The following ABITRAM variants were observed in gnomAD, a reference collection of about 807,000 sequenced individuals.
ABITRAM encodes actin binding transcription modulator.
ABITRAM carries 19 observed loss-of-function variants against 22.9 expected under a neutral mutation model. The ratio of observed to expected loss-of-function variants is 0.83; its 90% CI spans 0.58 to 1.22. The LOEUF is 1.22. Ranked by LOEUF, ABITRAM falls within the 50% of genes most tolerant of loss-of-function variation. The pLI, the probability that ABITRAM is intolerant of heterozygous loss-of-function variation, is 0.00. For missense variants in ABITRAM, 215 were observed against 220.2 expected (o/e 0.98, Z 0.15); for synonymous variants, 70 against 73.9 (o/e 0.95, Z 0.27).
chr9:108,939,397 A>G lies in ABITRAM; in HGVS notation c.351A>G (p.Gly117=), dbSNP rs1830229024. The G allele has an allele frequency of 6.2e-7, 1 of 1,609,228 alleles. No individual in the cohort carries two copies. The highest frequency in any genetic ancestry group is 1.7e-5 in the Admixed American group (1 of 58,868). ...ATTTTTTTAATAGTTGTGTTAGAGG[A>G]CGTTTGATGGAAGTGAATGAAAACA... is the stretch of plus-strand genomic sequence containing the variant. ...EEYTVSSCVR[G]RLMEVNENIL... The change falls in exon 5 of 6, where the codon GGA becomes GGG. Residue 117 remains glycine, a synonymous_variant. Coordinates refer to ENST00000322940, the MANE Select transcript of ABITRAM (RefSeq NM_017832.4).
chr9:108,939,517 T>C, intron 5 of ABITRAM, 32 bp from the exon 6 acceptor site: 6 of 1,608,070 alleles, frequency 3.7e-6, no homozygotes, highest in South Asian at 1.1e-5. Context: ...TTTTTCATCG[T>C]TTGACAGTAC....
At chr9:108,949,991 T>C (rs1352233655) in intron 3 of ABITRAM, among the ~76,000 whole-genome samples, 1 of 136,508 alleles carries the variant, frequency 7.3e-6, no homozygotes, top group East Asian at 2.2e-4. Context: ...GCCACTGCAC[T>C]CCAGCCTGGG....
At chr9:108,946,305 A>AG (rs1190370941) in intron 3 of ABITRAM, among the ~76,000 whole-genome samples, 2 of 151,840 alleles carry the variant, frequency 1.3e-5, no homozygotes, top group Non-Finnish European at 2.9e-5. Context: ...CTCAAAAAAA[A>AG]AAAAAAAAAA....
At chr9:108,943,130 T>C (rs1342228554), downstream of ABITRAM, 1 of 1,210,510 alleles carries the variant, frequency 8.3e-7, no homozygotes, top group Non-Finnish European at 1.2e-6. Context: ...CATGATAAAA[T>C]TTCTCCATAT....
intron 2 of ABITRAM, 179 bp downstream of exon 2, chr9:108,935,868 G>A: frequency 1.7e-6 from 1 of 582,776 alleles, no homozygotes. Context: ...GAGTATTCCA[G>A]TGCCTGGCCA....
downstream of ABITRAM, among the ~76,000 whole-genome samples, chr9:108,945,637 TTTTTTG>T (rs1830379615): frequency 6.7e-6 from 1 of 148,358 alleles, no homozygotes; most frequent in African/African-American, 2.5e-5. Context: ...AGTTTTTTTT[TTTTTTG>T]TTTTGTTTTT....
At chr9:108,939,127 T>A in intron 3 of ABITRAM, 69 bp from the exon 4 acceptor site, 3 of 1,321,220 alleles carry the variant, frequency 2.3e-6, no homozygotes, top group Non-Finnish European at 3.2e-6. Context: ...GTTATACACC[T>A]AAGGGCTACT....
chr9:108,943,560 A>G, downstream of ABITRAM: 2 of 665,592 alleles, frequency 3.0e-6, no homozygotes, highest in Non-Finnish European at 4.9e-6. Context: ...TTATGAGAGT[A>G]GATAATAAAT....
In ABITRAM at chr9:108,934,615, T is replaced by C. The variant is rs757254442; in HGVS notation, c.79+50T>C. 32 of 1,516,480 alleles carry C rather than the reference T, an allele frequency of 2.1e-5. No homozygotes were observed. The Middle Eastern group carries it at 5.6e-4, about 26-fold the overall frequency. The allele number at this position is 1,516,480 out of a possible 1,614,324, so 93.9% of individuals were successfully genotyped here. On this transcript the variant is annotated intron_variant, in intron 1 of 5. Transcript: ENST00000322940. The stretch of plus-strand genomic sequence containing the variant: ...CTCCTTGGCCGCACTGGCCTAATGC[T>C]GTGTAGACTATGTTGACAGATCATA...
chr9:108,934,444 G>T lies in ABITRAM; in HGVS notation c.-43G>T, dbSNP rs374860095. ...CCAGTCCGGGCTGCGCGGAGGAAGC[G>T]CTGGGGTCCCGGAGGGCGGGGGTGG... On this transcript the variant is annotated 5_prime_UTR_variant, in exon 1 of 6. Transcript: ENST00000322940. 1 of 1,548,550 alleles carries T rather than the reference G, an allele frequency of 6.5e-7. No homozygotes were observed. The highest frequency in any genetic ancestry group is 8.7e-7 in the Non-Finnish European group (1 of 1,145,076).
At chr9:108,945,478 T>TC (rs1830373992), downstream of ABITRAM, among the ~76,000 whole-genome samples, 1 of 151,368 alleles carries the variant, frequency 6.6e-6, no homozygotes, top group African/African-American at 2.4e-5. Flanking sequence ...TTTTTTTTTT[T>TC]TGAGACAGGG....
downstream of ABITRAM, chr9:108,943,977 T>G (rs766320045): frequency 6.2e-6 from 10 of 1,613,802 alleles, no homozygotes; most frequent in Non-Finnish European, 7.6e-6. Flanking sequence ...TTGAAAAAGC[T>G]TGAACACTGG....
chr9:108,938,692 G>A (rs72758377), intron 3 of ABITRAM, among the ~76,000 whole-genome samples: 11,439 of 126,254 alleles, frequency 0.091, 670 homozygotes, highest in Non-Finnish European at 0.12. Context: ...AATTACAAAG[G>A]GGGGGGGGGG....
intron 3 of ABITRAM, among the ~76,000 whole-genome samples, chr9:108,938,827 T>C (rs1432369619): frequency 6.6e-6 from 1 of 152,204 alleles, no homozygotes; most frequent in East Asian, 1.9e-4. Flanking sequence ...TATACAATAT[T>C]GCTGTCATAC....
downstream of ABITRAM, chr9:108,943,590 T>A (rs1830310710): frequency 2.6e-6 from 2 of 783,214 alleles, no homozygotes; most frequent in African/African-American, 1.8e-5. Context: ...AGACAAGGCA[T>A]GAAAAAAGGA....
chr9:108,942,765 C>T, downstream of ABITRAM: 1 of 1,592,006 alleles, frequency 6.3e-7, no homozygotes. Flanking sequence ...ACCCCAAAAG[C>T]TTCTCAAGTT....
intron 2 of ABITRAM, 171 bp downstream of exon 2, chr9:108,935,860 G>A (rs758094097): frequency 1.5e-5 from 9 of 585,878 alleles, no homozygotes; most frequent in Non-Finnish European, 2.4e-5. Context: ...GCAAGAATGA[G>A]TATTCCAGTG....
Position 108,940,899 on chromosome 9 carries a change from C to G in ABITRAM, c.*1213C>G, listed in dbSNP as rs1192179658. ...AAAACGTGTTATTTTTCTGTAAGGG[C>G]TATAACATACATGTCAATATCACTG... On this transcript the variant is annotated 3_prime_UTR_variant, in exon 6 of 6. Transcript: ENST00000322940. The G allele has an allele frequency of 1.3e-5, 2 of 152,086 alleles. No individual in the cohort carries two copies. The highest frequency in any genetic ancestry group is 6.5e-5 in the Admixed American group (1 of 15,276). The allele number at this position is 152,086 out of a possible 1,614,324, so 9.4% of individuals were successfully genotyped here. A position where few individuals can be genotyped will look rare whatever the true frequency, so the allele number is the denominator to read the frequency against.
At chr9:108,948,956 A>G (rs1267619783) in intron 3 of ABITRAM, among the ~76,000 whole-genome samples, 1 of 152,212 alleles carries the variant, frequency 6.6e-6, no homozygotes, top group African/African-American at 2.4e-5. Context: ...CATGAAAATC[A>G]AATGAAATGA....
Sources: allele counts gnomAD v4.1 joint callset (sites outside exome capture counted in the v4.1 genomes callset), GRCh38; gene constraint gnomAD v4.1.1; transcripts MANE v1.5; gene names NCBI Gene and HGNC (gene_info 2026-07-23, HGNC 2026-07-21).